Variants in PIK3CB observed in about 807,000 individuals in gnomAD.
PIK3CB encodes the protein phosphatidylinositol 4,5-bisphosphate 3-kinase catalytic subunit beta isoform.
Under a neutral mutation model 136.8 loss-of-function variants are expected in PIK3CB, and 39 were observed. The observed-to-expected ratio is 0.29, with a 90% CI of 0.22 to 0.37. The LOEUF (loss-of-function observed/expected upper bound fraction) is 0.37, where lower values mean the gene tolerates loss of function less well. Ranked by LOEUF, PIK3CB falls within the 10% of genes least tolerant of loss-of-function variation. The pLI is 1.00. For missense variants in PIK3CB, 868 were observed against 1,275.4 expected (o/e 0.68, Z 4.87); for synonymous variants, 428 against 436.6 (o/e 0.98, Z 0.25).
At chr3:138,655,783 A>C (rs1164124591) in intron 23 of PIK3CB, among the ~76,000 whole-genome samples, 1 of 152,196 alleles carries the variant, frequency 6.6e-6, no homozygotes, top group Non-Finnish European at 1.5e-5. Context: ...ACTACCACCC[A>C]AATCCAGTAA....
At chr3:138,710,714 T>G (rs2044478445) in intron 10 of PIK3CB, among the ~76,000 whole-genome samples, 1 of 152,180 alleles carries the variant, frequency 6.6e-6, no homozygotes, top group Non-Finnish European at 1.5e-5. Context: ...GAGGGTATTT[T>G]GAGTAGTATT....
chr3:138,818,096 A>G (rs1463120949), intron 1 of PIK3CB, among the ~76,000 whole-genome samples: 1 of 152,208 alleles, frequency 6.6e-6, no homozygotes, highest in African/African-American at 2.4e-5. Flanking sequence ...GTTCAAGTCC[A>G]GCCTGGGTAA....
intron 1 of PIK3CB, among the ~76,000 whole-genome samples, chr3:138,812,384 G>A (rs996569977): frequency 1.1e-4 from 16 of 151,534 alleles, no homozygotes; most frequent in African/African-American, 2.7e-4. Flanking sequence ...CTACAGGCAC[G>A]CGCCACCACT....
chr3:138,662,113 CTTT>C (rs1173189507), intron 21 of PIK3CB, among the ~76,000 whole-genome samples: 1 of 136,126 alleles, frequency 7.3e-6, no homozygotes, highest in African/African-American at 2.7e-5. Flanking sequence ...CATTGGTAAT[CTTT>C]TTTTTTTTTT....
At chr3:138,765,609 G>C (rs909220419) in intron 2 of PIK3CB, among the ~76,000 whole-genome samples, 9 of 151,334 alleles carry the variant, frequency 5.9e-5, no homozygotes, top group African/African-American at 2.2e-4. Flanking sequence ...TTGGGAGGCT[G>C]AGGTGGGGGG....
At chr3:138,735,737 T>C (rs2045088909) in intron 6 of PIK3CB, among the ~76,000 whole-genome samples, 1 of 152,154 alleles carries the variant, frequency 6.6e-6, no homozygotes. Context: ...AGGAATCCAA[T>C]GTATTCCTCA....
At chr3:138,755,088 C>T (rs1241252266) in intron 4 of PIK3CB, among the ~76,000 whole-genome samples, 1 of 152,216 alleles carries the variant, frequency 6.6e-6, no homozygotes, top group East Asian at 1.9e-4. Flanking sequence ...TATTTCCTGA[C>T]TCTCTACCAA....
At chr3:138,705,171 A>C (rs1195554770) in intron 11 of PIK3CB, among the ~76,000 whole-genome samples, 3 of 88,232 alleles carry the variant, frequency 3.4e-5, no homozygotes, top group African/African-American at 1.7e-4. Flanking sequence ...AAAAAAAAAA[A>C]AACAAAAAAC....
chr3:138,657,651 G>A lies in PIK3CB; in HGVS notation c.2942+39C>T, dbSNP rs1242086356. On this transcript the variant is annotated intron_variant, in intron 22 of 23. Transcript: ENST00000674063. ...GGTCCACCTGGTCAGATAAGAAAAT[G>A]TTAGAAGTGTTCAGCCTTGGCACAA... is the stretch of plus-strand genomic sequence containing the variant. The A allele has an allele frequency of 1.1e-5, 17 of 1,577,952 alleles. No homozygotes were observed. The South Asian group carries it at 1.8e-4, about 17-fold the overall frequency.
At chr3:138,747,063 T>C (rs1219758063) in intron 4 of PIK3CB, among the ~76,000 whole-genome samples, 1 of 17,628 alleles carries the variant, frequency 5.7e-5, no homozygotes, top group Admixed American at 4.0e-4. Context: ...TTTATATATA[T>C]ATATATATAT....
intron 4 of PIK3CB, among the ~76,000 whole-genome samples, chr3:138,750,883 C>T (rs1185371024): frequency 1.3e-5 from 2 of 152,186 alleles, no homozygotes; most frequent in Non-Finnish European, 2.9e-5. Flanking sequence ...ATCCTCACTT[C>T]CCACTGGATT....
At chr3:138,833,974 A>G (rs776147829) in intron 1 of PIK3CB, among the ~76,000 whole-genome samples, 3 of 152,330 alleles carry the variant, frequency 2.0e-5, no homozygotes, top group East Asian at 1.9e-4. Flanking sequence ...CGAGGTTAAC[A>G]GGCTCCAATA....
chr3:138,736,000 C>A (rs1032899047), intron 6 of PIK3CB, among the ~76,000 whole-genome samples: 1 of 152,052 alleles, frequency 6.6e-6, no homozygotes, highest in South Asian at 2.1e-4. Flanking sequence ...TCCTGTCTAA[C>A]CCTGCACAAA....
intron 8 of PIK3CB, among the ~76,000 whole-genome samples, chr3:138,728,230 TG>T (rs978119289): frequency 2.0e-5 from 3 of 152,216 alleles, no homozygotes; most frequent in African/African-American, 7.2e-5. Context: ...TGGTATTTTC[TG>T]AACGTAAACT....
At position 138,811,730 on chromosome 3, in the gene PIK3CB, T is replaced by G. The variant is rs9883610; in HGVS notation, c.-121-15163A>C. The stretch of plus-strand genomic sequence containing the variant: ...TGAGCCACTGCACCCGGCCCTGATA[T>G]GCAAGAAAATTTCTACAGATAAACA... On this transcript the variant is annotated intron_variant, in intron 1 of 23. Transcript: ENST00000674063. Among the ~76,000 whole-genome samples, 48 of 152,062 alleles carry G rather than the reference T, an allele frequency of 3.2e-4. No individual in the cohort carries two copies. The Middle Eastern group carries it at 0.014, about 43-fold the overall frequency.
intron 19 of PIK3CB, among the ~76,000 whole-genome samples, chr3:138,678,391 AT>A (rs1366461830): frequency 2.0e-5 from 3 of 152,170 alleles, no homozygotes; most frequent in African/African-American, 7.2e-5. Flanking sequence ...ATAAGTAAGA[AT>A]TTAAAAAGTA....
rs2108584433 is a variant in PIK3CB, at chr3:138,714,678, C to T, written c.1092G>A (p.Leu364=). ...RAGLFHGTEL[L]CKTIVSSEVS... is the part of the protein sequence containing the mutation. ...CCTCTGAGCTTACGATGGTTTTACA[C>T]AGGAGCTCAGTACCATGAAAAAGAC... Residue 364 remains leucine, a synonymous_variant, in exon 9 of 24, where the codon CTG becomes CTA. Transcript: ENST00000674063. The T allele has an allele frequency of 6.2e-7, 1 of 1,613,380 alleles. No homozygotes were observed. The highest frequency in any genetic ancestry group is 8.5e-7 in the Non-Finnish European group (1 of 1,179,444).
At chr3:138,718,790 T>C (rs553271340) in intron 8 of PIK3CB, among the ~76,000 whole-genome samples, 81 of 152,214 alleles carry the variant, frequency 5.3e-4, no homozygotes, top group Non-Finnish European at 1.0e-3. Context: ...GCACCATTTA[T>C]TGAATAGGGA....
chr3:138,760,822 G>A (rs2045653489), intron 2 of PIK3CB, among the ~76,000 whole-genome samples: 1 of 152,082 alleles, frequency 6.6e-6, no homozygotes, highest in Non-Finnish European at 1.5e-5. Flanking sequence ...CATGAGGATT[G>A]CTTGAGTCCA....
Sources: gnomAD v4.1 joint callset for allele counts (sites outside exome capture counted in the v4.1 genomes callset) on GRCh38, gnomAD v4.1.1 for gene constraint, MANE v1.5 for transcripts, NCBI Gene and HGNC (gene_info 2026-07-23, HGNC 2026-07-21) for gene names.